The following ARHGAP21 variants were observed in gnomAD, a reference collection of about 807,000 sequenced individuals.
ARHGAP21 encodes Rho GTPase activating protein 21.
ARHGAP21 carries 38 observed loss-of-function variants against 164.6 expected under a neutral mutation model. That is an observed-to-expected ratio of 0.23 (90% confidence interval 0.18 to 0.30). The LOEUF (loss-of-function observed/expected upper bound fraction) is 0.30. Among genes scored for constraint, ARHGAP21 ranks in the 10% least tolerant of loss-of-function variants. The probability of loss-of-function intolerance (pLI) is 1.00; values close to 1 mark genes in which losing one functional copy is unlikely to be tolerated. For missense variants in ARHGAP21, 1,822 were observed against 2,370.7 expected (o/e 0.77, Z 4.81); for synonymous variants, 766 against 857.9 (o/e 0.89, Z 1.87).
intron 2 of ARHGAP21, among the ~76,000 whole-genome samples, chr10:24,702,379 C>A (rs1843764926): frequency 3.3e-5 from 5 of 151,970 alleles, no homozygotes; most frequent in Admixed American, 2.6e-4. Flanking sequence ...GATCCGCCTG[C>A]CTCAGCCTCC....
At chr10:24,632,362 A>G (rs968344255) in intron 6 of ARHGAP21, among the ~76,000 whole-genome samples, 1 of 152,180 alleles carries the variant, frequency 6.6e-6, no homozygotes, top group Non-Finnish European at 1.5e-5. Flanking sequence ...TATTTTGAGG[A>G]AAAAAATTCT....
chr10:24,644,369 G>A (rs945694012), intron 4 of ARHGAP21, among the ~76,000 whole-genome samples: 24 of 151,804 alleles, frequency 1.6e-4, no homozygotes, highest in Non-Finnish European at 3.1e-4. Flanking sequence ...TGTATGTATC[G>A]CTTACCTTCA....
intron 2 of ARHGAP21, among the ~76,000 whole-genome samples, chr10:24,694,339 C>T (rs541712552): frequency 1.6e-3 from 240 of 152,340 alleles, no homozygotes; most frequent in South Asian, 4.3e-3. Flanking sequence ...GGCGGCCCTC[C>T]GTTGGTGTTT....
At chr10:24,625,278 T>C (rs2131254283) in intron 7 of ARHGAP21, among the ~76,000 whole-genome samples, 1 of 79,998 alleles carries the variant, frequency 1.3e-5, no homozygotes, top group East Asian at 3.1e-4. Flanking sequence ...CTATGATAAA[T>C]GGTAAACAAA....
Position 24,717,510 on chromosome 10 carries a change from G to A in ARHGAP21, c.63+4327C>T, listed in dbSNP as rs141234978. 3.3e-5 allele frequency among the ~76,000 whole-genome samples: 5 copies of A among 152,234 alleles called. No homozygotes were observed. The East Asian group carries it at 7.7e-4, about 24-fold the overall frequency. Reference sequence around the variant, plus strand: ...TGCGGGTCAGGGAAGGCTTTCCTGAGGAAGCAGTATTGAAGAAAAGACCAG... The same window carrying A: ...TGCGGGTCAGGGAAGGCTTTCCTGAAGAAGCAGTATTGAAGAAAAGACCAG... On this transcript the variant is annotated intron_variant, in intron 2 of 25. Transcript: ENST00000396432.
chr10:24,686,191 G>A (rs1842191968), intron 2 of ARHGAP21, among the ~76,000 whole-genome samples: 1 of 152,174 alleles, frequency 6.6e-6, no homozygotes, highest in African/African-American at 2.4e-5. Flanking sequence ...AGCACTTTGG[G>A]AAGCCGAGGC....
intron 9 of ARHGAP21, among the ~76,000 whole-genome samples, chr10:24,618,475 G>A (rs190392340): frequency 1.4e-4 from 21 of 152,298 alleles, no homozygotes; most frequent in Admixed American, 4.6e-4. Context: ...GTGTCTGTGC[G>A]TGGGATACCT....
intron 2 of ARHGAP21, among the ~76,000 whole-genome samples, chr10:24,676,150 G>A (rs181318500): frequency 1.3e-5 from 2 of 152,074 alleles, no homozygotes; most frequent in South Asian, 2.1e-4. Context: ...TCCGTGTCAG[G>A]GGGAAAAAAC....
At chr10:24,588,629 C>A (rs779934977) in intron 25 of ARHGAP21, among the ~76,000 whole-genome samples, 4 of 152,170 alleles carry the variant, frequency 2.6e-5, no homozygotes, top group Non-Finnish European at 5.9e-5. Flanking sequence ...CCAGTTGCTA[C>A]TGCCTCAACA....
At chr10:24,596,942 T>A in intron 16 of ARHGAP21, 60 bp from the exon 17 acceptor site, 1 of 1,537,962 alleles carries the variant, frequency 6.5e-7, no homozygotes, top group Non-Finnish European at 8.7e-7. Context: ...GTCTAAATCA[T>A]GACTTTAAAA....
intron 2 of ARHGAP21, among the ~76,000 whole-genome samples, chr10:24,710,017 T>C (rs1205082778): frequency 6.6e-6 from 1 of 152,220 alleles, no homozygotes; most frequent in East Asian, 1.9e-4. Flanking sequence ...AATAATGTAA[T>C]GTAGATGGTA....
intron 2 of ARHGAP21, among the ~76,000 whole-genome samples, chr10:24,696,743 G>A (rs1409342767): frequency 1.3e-5 from 2 of 152,206 alleles, no homozygotes; most frequent in Non-Finnish European, 2.9e-5. Flanking sequence ...TGACAGAAGG[G>A]ATCTGAAGGC....
intron 4 of ARHGAP21, among the ~76,000 whole-genome samples, chr10:24,649,399 G>A (rs932510627): frequency 6.6e-6 from 1 of 152,130 alleles, no homozygotes. Context: ...GTCCAGTTAG[G>A]AATCTCTATC....
chr10:24,685,347 G>C (rs1842116694), intron 2 of ARHGAP21, among the ~76,000 whole-genome samples: 1 of 152,142 alleles, frequency 6.6e-6, no homozygotes. Context: ...GATATTAGCA[G>C]TTTATAGTGT....
rs938088849 is a variant in ARHGAP21 at position 24,596,934 on chromosome 10, C to T, written c.3335-52G>A. The T allele has an allele frequency of 1.9e-6, 3 of 1,552,202 alleles. No individual in the cohort carries two copies. In the African/African-American group the frequency reaches 4.2e-5, roughly 22 times the overall value. ...AACATAATAAAATGGAAATGAGTGTCTAAATCATGACTTTAAAAACACTTT... is the reference window on the plus strand; with the variant it reads ...AACATAATAAAATGGAAATGAGTGTTTAAATCATGACTTTAAAAACACTTT... On this transcript the variant is annotated intron_variant, in intron 16 of 25. Transcript: ENST00000396432.
chr10:24,618,871 T>A (rs1834254180), intron 9 of ARHGAP21, among the ~76,000 whole-genome samples: 1 of 152,130 alleles, frequency 6.6e-6, no homozygotes, highest in South Asian at 2.1e-4. Flanking sequence ...TTTAAAAACA[T>A]CACACTGGCT....
intron 6 of ARHGAP21, among the ~76,000 whole-genome samples, chr10:24,631,500 A>G (rs1390855782): frequency 6.6e-6 from 1 of 152,238 alleles, no homozygotes; most frequent in Non-Finnish European, 1.5e-5. Flanking sequence ...ATTAAGAAAC[A>G]ATCAACAACA....
At chr10:24,682,701 T>C (rs1326951917) in intron 2 of ARHGAP21, among the ~76,000 whole-genome samples, 2 of 152,194 alleles carry the variant, frequency 1.3e-5, no homozygotes, top group Admixed American at 6.5e-5. Flanking sequence ...TTTCTCTTTT[T>C]TTTTTTGTCA....
chr10:24,615,398 GGGA>G (rs1293772467), intron 9 of ARHGAP21, among the ~76,000 whole-genome samples: 1 of 152,196 alleles, frequency 6.6e-6, no homozygotes, highest in Non-Finnish European at 1.5e-5. Flanking sequence ...TGGGGTAAGA[GGGA>G]GGAGGAGAAG....
Sources: allele counts gnomAD v4.1 joint callset (sites outside exome capture counted in the v4.1 genomes callset), GRCh38; gene constraint gnomAD v4.1.1; transcripts MANE v1.5; gene names NCBI Gene and HGNC (gene_info 2026-07-23, HGNC 2026-07-21).